Variants in RPRD1A observed in about 807,000 individuals in gnomAD.
RPRD1A encodes regulation of nuclear pre-mRNA domain containing 1A, also known as regulation of nuclear pre-mRNA domain-containing protein 1A.
In RPRD1A, 9 loss-of-function variants were observed where a neutral mutation model predicts 37.8. That is an observed-to-expected ratio of 0.24 (90% CI 0.14 to 0.42). The LOEUF (loss-of-function observed/expected upper bound fraction) is 0.42, where lower values mean the gene tolerates loss of function less well. RPRD1A is among the 10% of genes least tolerant of loss of function. The pLI, the probability that RPRD1A is intolerant of heterozygous loss-of-function variation, is 1.00. For synonymous variants in RPRD1A, 138 were observed against 139.7 expected, an observed-to-expected ratio of 0.99 and a Z score of 0.08; for missense variants, 255 against 371.0, an observed-to-expected ratio of 0.69 and a Z score of 2.57.
At chr18:36,008,953 G>A (rs1360405808) in intron 6 of RPRD1A, among the ~76,000 whole-genome samples, 1 of 152,136 alleles carries the variant, frequency 6.6e-6, no homozygotes, top group East Asian at 1.9e-4. Flanking sequence ...GCACACGGCT[G>A]TAAGGACACC....
intron 1 of RPRD1A, among the ~76,000 whole-genome samples, chr18:36,055,775 A>C (rs1014942832): frequency 6.6e-6 from 1 of 152,214 alleles, no homozygotes; most frequent in Non-Finnish European, 1.5e-5. Flanking sequence ...AAGGGAAAAA[A>C]GCATGTCTGA....
chr18:36,049,260 C>T (rs564013822), intron 1 of RPRD1A, among the ~76,000 whole-genome samples: 1 of 152,258 alleles, frequency 6.6e-6, no homozygotes, highest in East Asian at 1.9e-4. Context: ...ACTCAAGGAT[C>T]AAGATTTAAC....
At chr18:36,018,715 T>C (rs573623229) in intron 6 of RPRD1A, among the ~76,000 whole-genome samples, 1 of 152,254 alleles carries the variant, frequency 6.6e-6, no homozygotes, top group South Asian at 2.1e-4. Flanking sequence ...ACTCACATCC[T>C]AGTGGCAGGT....
chr18:36,054,400 G>A (rs1447420563), intron 1 of RPRD1A, among the ~76,000 whole-genome samples: 1 of 152,190 alleles, frequency 6.6e-6, no homozygotes, highest in Non-Finnish European at 1.5e-5. Flanking sequence ...GGCTGAGGCA[G>A]GAGAATCACG....
intron 6 of RPRD1A, among the ~76,000 whole-genome samples, chr18:36,008,577 G>GTGTATATA: frequency 2.1e-5 from 1 of 47,802 alleles, no homozygotes; most frequent in African/African-American, 6.8e-5. Flanking sequence ...CCTTGTGTGT[G>GTGTATATA]TATATATATA....
intron 6 of RPRD1A, 38 bp downstream of exon 6, chr18:36,026,858 GAATT>G: frequency 6.5e-7 from 1 of 1,533,730 alleles, no homozygotes; most frequent in Non-Finnish European, 8.8e-7. Flanking sequence ...AACAAAAAGA[GAATT>G]AAATAAATAA....
chr18:36,039,257 A>C (rs1394667795), intron 1 of RPRD1A, among the ~76,000 whole-genome samples: 2 of 152,200 alleles, frequency 1.3e-5, no homozygotes, highest in Non-Finnish European at 2.9e-5. Context: ...GCAATGCAGA[A>C]CTGTGAGTCA....
At chr18:36,018,944 C>G (rs530107321) in intron 6 of RPRD1A, among the ~76,000 whole-genome samples, 1 of 152,142 alleles carries the variant, frequency 6.6e-6, no homozygotes, top group South Asian at 2.1e-4. Flanking sequence ...CAAGAGCATT[C>G]CAGTCCCTCT....
intron 2 of RPRD1A, among the ~76,000 whole-genome samples, chr18:36,031,317 C>T (rs920714570): frequency 6.6e-6 from 1 of 151,812 alleles, no homozygotes; most frequent in Non-Finnish European, 1.5e-5. Flanking sequence ...CATATTATTA[C>T]ACAACCAAAA....
intron 6 of RPRD1A, among the ~76,000 whole-genome samples, chr18:36,000,825 TA>T (rs1909370951): frequency 6.6e-6 from 1 of 152,204 alleles, no homozygotes; most frequent in Non-Finnish European, 1.5e-5. Context: ...CAACTTAAGA[TA>T]ATCTGTCTTC....
At chr18:36,046,377 G>A (rs1405179987) in intron 1 of RPRD1A, among the ~76,000 whole-genome samples, 2 of 152,124 alleles carry the variant, frequency 1.3e-5, no homozygotes, top group Non-Finnish European at 2.9e-5. Flanking sequence ...CTTTCACCAT[G>A]GTACAGCAAT....
chr18:36,016,518 C>T (rs1399219259), intron 6 of RPRD1A, among the ~76,000 whole-genome samples: 2 of 152,166 alleles, frequency 1.3e-5, no homozygotes, highest in Admixed American at 6.5e-5. Flanking sequence ...CCACCGCGCC[C>T]GGCCTGTTTT....
intron 6 of RPRD1A, 120 bp from the exon 7 acceptor site, chr18:35,993,420 T>A: frequency 2.1e-6 from 2 of 964,934 alleles, no homozygotes; most frequent in Non-Finnish European, 3.0e-6. Flanking sequence ...AAAAAGGTTA[T>A]TCCAGTGTGA....
chr18:36,035,290 A>T (rs564707536), intron 1 of RPRD1A, among the ~76,000 whole-genome samples: 1 of 150,634 alleles, frequency 6.6e-6, no homozygotes, highest in East Asian at 2.0e-4. Flanking sequence ...TGCCTGCATC[A>T]CTTTTGAATG....
intron 6 of RPRD1A, among the ~76,000 whole-genome samples, chr18:35,995,214 T>A (rs578048746): frequency 6.6e-6 from 1 of 152,162 alleles, no homozygotes; most frequent in Admixed American, 6.5e-5. Context: ...ACTCAGTAAT[T>A]ATCCTTAACT....
chr18:36,050,488 C>T (rs1913304132), intron 1 of RPRD1A, among the ~76,000 whole-genome samples: 1 of 150,916 alleles, frequency 6.6e-6, no homozygotes, highest in African/African-American at 2.4e-5. Flanking sequence ...GATTGCAAAT[C>T]ATTAAACTTC....
rs188224943 is a variant in RPRD1A at position 36,063,250 on chromosome 18, T to C, written c.151+4004A>G. ...CCCAGGTTGGAGTGCAGTGGCGCAC[T>C]TGGCTCACTGCAGCCTAAACCTCTT... is the stretch of plus-strand genomic sequence containing the variant. On this transcript the variant is annotated intron_variant, in intron 1 of 6. Coordinates refer to ENST00000399022, the MANE Select transcript of RPRD1A (RefSeq NM_018170.5). 7.2e-5 allele frequency among the ~76,000 whole-genome samples: 11 copies of C among 152,334 alleles called. No individual in the cohort carries two copies. In the East Asian group the frequency reaches 2.1e-3, roughly 29 times the overall value.
chr18:35,998,037 A>AC (rs1456125219), intron 6 of RPRD1A, among the ~76,000 whole-genome samples: 1 of 152,188 alleles, frequency 6.6e-6, no homozygotes, highest in African/African-American at 2.4e-5. Flanking sequence ...GGTTGTGCTC[A>AC]TTTTCGTTTT....
At position 35,993,031 on chromosome 18, in the gene RPRD1A, C is replaced by T. The variant is rs1363131561; in HGVS notation, c.*120G>A. The T allele has an allele frequency of 2.5e-6, 2 of 792,348 alleles. No individual in the cohort carries two copies. The highest frequency in any genetic ancestry group is 3.7e-6 in the Non-Finnish European group (2 of 546,408). 49.1% of individuals were successfully genotyped at this position (792,348 alleles called of 1,614,324 possible). On this transcript the variant is annotated 3_prime_UTR_variant, in exon 7 of 7. Coordinates refer to ENST00000399022, the MANE Select transcript of RPRD1A (RefSeq NM_018170.5). ...ATTTTAAACAATTTTATAAATTACT[C>T]GTTGTTCCTTTTGTTAGTGTTTCTT...
Sources: allele counts gnomAD v4.1 joint callset (sites outside exome capture counted in the v4.1 genomes callset), GRCh38; gene constraint gnomAD v4.1.1; transcripts MANE v1.5; gene names NCBI Gene and HGNC (gene_info 2026-07-23, HGNC 2026-07-21).